FRMD4A: variants seen among roughly 807,000 people sequenced by gnomAD.
FRMD4A encodes the protein FERM domain containing 4A, also known as FERM domain-containing protein 4A.
A neutral mutation model predicts 129.1 loss-of-function variants in FRMD4A; 29 were observed. That is an observed-to-expected ratio of 0.22 (90% confidence interval 0.17 to 0.31). The LOEUF is 0.31. Ranked by LOEUF, FRMD4A falls within the 10% of genes least tolerant of loss-of-function variation. FRMD4A has a pLI of 1.00. For synonymous variants in FRMD4A, 634 were observed against 571.6 expected, an observed-to-expected ratio of 1.11 and a Z score of -1.56; for missense variants, 1,272 against 1,375.8, an observed-to-expected ratio of 0.92 and a Z score of 1.19.
intron 3 of FRMD4A, among the ~76,000 whole-genome samples, chr10:13,839,675 G>A (rs1021001933): frequency 2.0e-5 from 3 of 152,202 alleles, no homozygotes; most frequent in Non-Finnish European, 4.4e-5. Flanking sequence ...GGCTCAGCAA[G>A]CCAGGCCCAC....
intron 23 of FRMD4A, among the ~76,000 whole-genome samples, chr10:13,653,637 A>G (rs1368865534): frequency 6.6e-6 from 1 of 152,222 alleles, no homozygotes; most frequent in Non-Finnish European, 1.5e-5. Flanking sequence ...GGAACCAGAC[A>G]AACCGAGGAA....
intron 2 of FRMD4A, among the ~76,000 whole-genome samples, chr10:14,278,136 G>T (rs755888918): frequency 7.2e-5 from 11 of 152,154 alleles, no homozygotes; most frequent in Non-Finnish European, 1.3e-4. Flanking sequence ...GGCTTTCTGG[G>T]TTTGAAACCG....
chr10:14,021,500 T>A (rs1832749604), intron 2 of FRMD4A, among the ~76,000 whole-genome samples: 1 of 152,006 alleles, frequency 6.6e-6, no homozygotes, highest in African/African-American at 2.4e-5. Context: ...GAGGCTGCAG[T>A]GAGCCAACAT....
In FRMD4A at chr10:14,175,412, A is replaced by G. The variant is rs1030697632; in HGVS notation, c.45+154646T>C. Among the ~76,000 whole-genome samples the G allele has an allele frequency of 5.9e-5, 9 of 151,942 alleles. No individual in the cohort carries two copies. In the South Asian group the frequency reaches 1.5e-3, roughly 25 times the overall value. On this transcript the variant is annotated intron_variant, in intron 2 of 24. Coordinates refer to ENST00000357447, the MANE Select transcript of FRMD4A (RefSeq NM_018027.5). Reference sequence around the variant, plus strand: ...TCATTGATGCTTTTCACCCCTAATTAACATCCTTCTTCTCCTCCCGTTCAC... The same window carrying G: ...TCATTGATGCTTTTCACCCCTAATTGACATCCTTCTTCTCCTCCCGTTCAC...
chr10:14,012,445 A>G (rs1027437456), intron 2 of FRMD4A, among the ~76,000 whole-genome samples: 1 of 152,188 alleles, frequency 6.6e-6, no homozygotes, highest in African/African-American at 2.4e-5. Flanking sequence ...CCACAGCAAG[A>G]TGTATCAAAG....
chr10:14,185,804 G>A (rs7081258), intron 2 of FRMD4A, among the ~76,000 whole-genome samples: 5,038 of 152,306 alleles, frequency 0.033, 177 homozygotes, highest in East Asian at 0.14. Flanking sequence ...AGTCCTGGGC[G>A]GAATAGGGTA....
intron 4 of FRMD4A, among the ~76,000 whole-genome samples, chr10:13,802,869 T>C (rs2093283628): frequency 6.6e-6 from 1 of 152,138 alleles, no homozygotes; most frequent in African/African-American, 2.4e-5. Context: ...CCTTGTCTTA[T>C]AGTATGTGTG....
At chr10:13,944,446 G>A (rs966335332) in intron 2 of FRMD4A, among the ~76,000 whole-genome samples, 2 of 151,980 alleles carry the variant, frequency 1.3e-5, no homozygotes, top group African/African-American at 4.8e-5. Context: ...TCTACATTAT[G>A]TTGAGTTGTA....
At chr10:14,122,141 T>C (rs1299773936) in intron 2 of FRMD4A, among the ~76,000 whole-genome samples, 1 of 152,214 alleles carries the variant, frequency 6.6e-6, no homozygotes, top group Non-Finnish European at 1.5e-5. Context: ...ATTGTCTCCA[T>C]TTGTTAAATG....
intron 2 of FRMD4A, among the ~76,000 whole-genome samples, chr10:14,108,362 GATCACCAA>G (rs571142209): frequency 2.6e-5 from 4 of 152,352 alleles, no homozygotes; most frequent in Admixed American, 2.6e-4. Flanking sequence ...TGGGGGCACT[GATCACCAA>G]ATCTGTCTGA....
intron 2 of FRMD4A, among the ~76,000 whole-genome samples, chr10:13,914,193 G>A (rs1284891319): frequency 1.3e-5 from 2 of 152,242 alleles, no homozygotes; most frequent in Non-Finnish European, 2.9e-5. Context: ...AGAGTATGCT[G>A]TGGTTTCAGT....
chr10:14,118,540 C>T (rs1193537649), intron 2 of FRMD4A, among the ~76,000 whole-genome samples: 2 of 152,160 alleles, frequency 1.3e-5, no homozygotes, highest in African/African-American at 4.8e-5. Flanking sequence ...TGTTCTCACA[C>T]TGCTAATAAA....
chr10:13,884,144 T>TCACCCACACACACACA (rs773933481), intron 2 of FRMD4A, among the ~76,000 whole-genome samples: 1 of 105,098 alleles, frequency 9.5e-6, no homozygotes, highest in Middle Eastern at 3.8e-3. Context: ...TCACACACAC[T>TCACCCACACACACACA]CTCACACACT....
intron 2 of FRMD4A, among the ~76,000 whole-genome samples, chr10:13,880,039 A>G (rs966837027): frequency 6.6e-6 from 1 of 151,934 alleles, no homozygotes; most frequent in Non-Finnish European, 1.5e-5. Flanking sequence ...TGGAGTTGGC[A>G]GTCTTTTGTG....
chr10:14,239,164 G>T (rs1478789140), intron 2 of FRMD4A, among the ~76,000 whole-genome samples: 3 of 152,170 alleles, frequency 2.0e-5, no homozygotes, highest in Non-Finnish European at 4.4e-5. Flanking sequence ...CATCTGTGGA[G>T]ATACTGTTGG....
Position 13,747,802 on chromosome 10 carries a change from C to T in FRMD4A, c.482G>A (p.Ser161Asn). ...AAGGGCTGGCAGCTTCTTCAAGTCA[C>T]TCCTCACAACTTCATTGCTGAAAGA... is the stretch of plus-strand genomic sequence containing the variant. The part of the protein sequence containing the change: ...GDFSSNEVVR[S>N]DLKKLPALPT... The change falls in exon 9 of 25, where the codon AGT becomes AAT. Residue 161 changes from serine to asparagine, a missense_variant. Physicochemically the swap from Ser to Asn is conservative, Grantham distance 46. Around this residue, in one of 2 missense-constraint regions of FRMD4A, gnomAD observed 300 missense variants for 483.6 expected, o/e 0.62. Coordinates refer to ENST00000357447, the MANE Select transcript of FRMD4A (RefSeq NM_018027.5). The T allele has an allele frequency of 6.3e-7, 1 of 1,594,792 alleles. No homozygotes were observed. Among genetic ancestry groups the T allele is most frequent in the Non-Finnish European group, 8.6e-7 (1 of 1,162,490 alleles).
At chr10:13,831,430 C>T (rs1244424630) in intron 3 of FRMD4A, among the ~76,000 whole-genome samples, 1 of 152,098 alleles carries the variant, frequency 6.6e-6, no homozygotes, top group African/African-American at 2.4e-5. Context: ...CCCTAGGTGA[C>T]AGAGCAAGGT....
intron 2 of FRMD4A, among the ~76,000 whole-genome samples, chr10:14,013,742 A>G (rs1398230168): frequency 6.6e-6 from 1 of 151,948 alleles, no homozygotes; most frequent in Non-Finnish European, 1.5e-5. Flanking sequence ...GACGAGCCTG[A>G]CCAACATGGA....
At chr10:14,179,506 C>A (rs1841840895) in intron 2 of FRMD4A, among the ~76,000 whole-genome samples, 1 of 152,152 alleles carries the variant, frequency 6.6e-6, no homozygotes, top group Non-Finnish European at 1.5e-5. Context: ...CCTCAACCCT[C>A]CTCAGCCACA....
Sources: allele counts gnomAD v4.1 joint callset (sites outside exome capture counted in the v4.1 genomes callset), GRCh38; gene constraint gnomAD v4.1.1; regional missense constraint gnomAD v4.1.1; transcripts MANE v1.5; gene names NCBI Gene and HGNC (gene_info 2026-07-23, HGNC 2026-07-21).